The following IQCM variants were observed in gnomAD, a reference collection of about 807,000 sequenced individuals.
The protein encoded by IQCM is IQ motif containing M.
IQCM carries 45 observed loss-of-function variants against 57.6 expected under a neutral mutation model. The ratio of observed to expected loss-of-function variants is 0.78; its 90% CI spans 0.62 to 1.00. The LOEUF is 1.00. IQCM is among the 50% of genes least tolerant of loss of function. IQCM has a pLI of 0.00. For missense variants in IQCM, 468 were observed against 511.6 expected (o/e 0.91, Z 0.82); for synonymous variants, 148 against 158.9 (o/e 0.93, Z 0.51).
intron 10 of IQCM, among the ~76,000 whole-genome samples, chr4:149,562,420 T>C (rs750319865): frequency 2.8e-4 from 43 of 152,222 alleles, no homozygotes; most frequent in Non-Finnish European, 5.3e-4. Flanking sequence ...TCCAGGTTTA[T>C]GGCTTGAACA....
intron 13 of IQCM, among the ~76,000 whole-genome samples, chr4:149,390,419 T>A (rs77142330): frequency 6.9e-6 from 1 of 145,454 alleles, no homozygotes; most frequent in East Asian, 2.0e-4. Flanking sequence ...ATCTAGATGC[T>A]TTTTTTTTTT....
chr4:149,503,263 A>G (rs1430194246), intron 12 of IQCM, among the ~76,000 whole-genome samples: 1 of 152,142 alleles, frequency 6.6e-6, no homozygotes, highest in East Asian at 1.9e-4. Flanking sequence ...ACAATAATAA[A>G]TTAAAATATC....
intron 2 of IQCM, among the ~76,000 whole-genome samples, chr4:149,786,127 C>T (rs764108311): frequency 1.3e-5 from 2 of 152,078 alleles, no homozygotes; most frequent in Non-Finnish European, 2.9e-5. Context: ...ATATAAGAAA[C>T]ATTTCTGGAC....
At chr4:149,359,224 A>G (rs989297797) in intron 13 of IQCM, among the ~76,000 whole-genome samples, 2 of 152,150 alleles carry the variant, frequency 1.3e-5, no homozygotes, top group Non-Finnish European at 2.9e-5. Flanking sequence ...AGGCCTTTAA[A>G]ATATGTCATA....
At chr4:149,632,980 T>A in intron 7 of IQCM, among the ~76,000 whole-genome samples, 1 of 149,916 alleles carries the variant, frequency 6.7e-6, no homozygotes, top group South Asian at 2.1e-4. Flanking sequence ...GCTAACAAGG[T>A]GAAACCCCGT....
At chr4:149,684,154 A>C (rs1044384536) in intron 6 of IQCM, among the ~76,000 whole-genome samples, 2 of 151,370 alleles carry the variant, frequency 1.3e-5, no homozygotes, top group Non-Finnish European at 3.0e-5. Flanking sequence ...TCATCATCAT[A>C]AAGAGTATTT....
At position 149,548,553 on chromosome 4, in the gene IQCM, G is replaced by A. The variant is rs551457579; in HGVS notation, c.1130C>T (p.Pro377Leu). The A allele has an allele frequency of 1.0e-3, 1,283 of 1,229,948 alleles. 3 individuals carry two copies. Among genetic ancestry groups the A allele is most frequent in the Non-Finnish European group, 1.2e-3 (1,164 of 986,130 alleles). The allele number at this position is 1,229,948 out of a possible 1,614,324, so 76.2% of individuals were successfully genotyped here. A position where few individuals can be genotyped will look rare whatever the true frequency, so the allele number is the denominator to read the frequency against. ...GGGGAGCTCATTTCTTTCAATTTTT[G>A]GCCAATCTTCCCTCTTAGCAAACAT... ...EIMFAKREDW[P>L]KIERNELPNF... is the part of the protein sequence containing the mutation. The change falls in exon 12 of 14, where the codon CCA becomes CTA. Residue 377 changes from proline (P) to leucine (L), a missense_variant. Pro to Leu is a moderately conservative substitution (Grantham distance 98, BLOSUM62 -3). Transcript: ENST00000636793.
chr4:149,695,321 T>A (rs1031904968), intron 5 of IQCM, among the ~76,000 whole-genome samples: 8 of 152,210 alleles, frequency 5.3e-5, no homozygotes, highest in Non-Finnish European at 1.0e-4. Context: ...GTTAACATTC[T>A]TAGGAATGAA....
intron 7 of IQCM, among the ~76,000 whole-genome samples, chr4:149,655,400 C>G (rs566279375): frequency 6.6e-6 from 1 of 152,228 alleles, no homozygotes; most frequent in South Asian, 2.1e-4. Context: ...AATAACATAG[C>G]ATGCATTTCT....
intron 9 of IQCM, among the ~76,000 whole-genome samples, chr4:149,567,449 C>G (rs1331497387): frequency 1.3e-5 from 2 of 151,956 alleles, no homozygotes; most frequent in African/African-American, 4.8e-5. Flanking sequence ...CGGGTTCAAG[C>G]AATTATCATG....
At position 149,792,682 on chromosome 4, in the gene IQCM, G is replaced by A. The variant is rs79654312; in HGVS notation, c.-49+22629C>T. ...GGCCCATCTTCATTTACCTTCTTTAGTATTCGACGTGTTTATAAACAGAAG... is the reference window on the plus strand; with the variant it reads ...GGCCCATCTTCATTTACCTTCTTTAATATTCGACGTGTTTATAAACAGAAG... On this transcript the variant is annotated intron_variant, in intron 2 of 13. Transcript: ENST00000636793. Among the ~76,000 whole-genome samples, 618 of 152,120 alleles carry A rather than the reference G, an allele frequency of 4.1e-3. 5 individuals are homozygous for A. Among genetic ancestry groups the A allele is most frequent in the African/African-American group, 0.014 (589 of 41,516 alleles).
At chr4:149,575,622 G>T (rs1008630876) in intron 9 of IQCM, among the ~76,000 whole-genome samples, 9 of 151,720 alleles carry the variant, frequency 5.9e-5, no homozygotes, top group Non-Finnish European at 1.3e-4. Context: ...CAAAAAACAA[G>T]TGCCCTCCTA....
At chr4:149,376,288 G>A (rs1424172304) in intron 13 of IQCM, among the ~76,000 whole-genome samples, 1 of 152,126 alleles carries the variant, frequency 6.6e-6, no homozygotes, top group Non-Finnish European at 1.5e-5. Context: ...TTGTTGAGAA[G>A]TAGAGAAGAA....
At chr4:149,601,192 G>A (rs1208062577) in intron 8 of IQCM, among the ~76,000 whole-genome samples, 1 of 90,666 alleles carries the variant, frequency 1.1e-5, no homozygotes, top group Non-Finnish European at 2.2e-5. Context: ...CAATAGATCG[G>A]GCTGGGACCT....
chr4:149,815,004 T>G (rs1033043311), intron 2 of IQCM, among the ~76,000 whole-genome samples: 2 of 152,176 alleles, frequency 1.3e-5, no homozygotes, highest in Admixed American at 6.6e-5. Flanking sequence ...TAGAGTATCC[T>G]ACTCTTTGAA....
At chr4:149,574,630 A>T (rs895364448) in intron 9 of IQCM, among the ~76,000 whole-genome samples, 1 of 151,952 alleles carries the variant, frequency 6.6e-6, no homozygotes, top group East Asian at 1.9e-4. Flanking sequence ...ATGTCCGAAC[A>T]TTACACCCTG....
intron 7 of IQCM, among the ~76,000 whole-genome samples, chr4:149,679,193 T>C (rs1300386324): frequency 6.6e-6 from 1 of 151,678 alleles, no homozygotes; most frequent in Non-Finnish European, 1.5e-5. Context: ...GAAATATGAT[T>C]CTGCCATAAA....
At chr4:149,623,792 A>G (rs1756558289) in intron 7 of IQCM, among the ~76,000 whole-genome samples, 1 of 151,660 alleles carries the variant, frequency 6.6e-6, no homozygotes, top group South Asian at 2.1e-4. Context: ...TGATAGATGG[A>G]AAAGAAGTCT....
At chr4:149,584,094 G>T (rs1752451442) in intron 9 of IQCM, among the ~76,000 whole-genome samples, 1 of 151,348 alleles carries the variant, frequency 6.6e-6, no homozygotes, top group Non-Finnish European at 1.5e-5. Flanking sequence ...TGGGTTAGAG[G>T]TATTTAATTT....
Sources: gnomAD v4.1 joint callset for allele counts (sites outside exome capture counted in the v4.1 genomes callset) on GRCh38, gnomAD v4.1.1 for gene constraint, MANE v1.5 for transcripts, NCBI Gene and HGNC (gene_info 2026-07-23, HGNC 2026-07-21) for gene names.